DYRK1A: variants seen among roughly 807,000 people sequenced by gnomAD.
DYRK1A encodes the protein dual specificity tyrosine phosphorylation regulated kinase 1A.
Under a neutral mutation model 79.7 loss-of-function variants are expected in DYRK1A, and 9 were observed. The ratio of observed to expected loss-of-function variants is 0.11; its 90% CI spans 0.07 to 0.20. DYRK1A has a LOEUF of 0.20. DYRK1A is among the 10% of genes least tolerant of loss of function. The pLI, the probability that DYRK1A is intolerant of heterozygous loss-of-function variation, is 1.00. For missense variants in DYRK1A, 622 were observed against 956.0 expected, an observed-to-expected ratio of 0.65 and a Z score of 4.61; for synonymous variants, 349 against 329.7, an observed-to-expected ratio of 1.06 and a Z score of -0.63.
chr21:37,411,450 C>T (rs2050244156), intron 1 of DYRK1A, among the ~76,000 whole-genome samples: 1 of 150,542 alleles, frequency 6.6e-6, no homozygotes. Context: ...GAAAACCCCA[C>T]CTATAATGCA....
intron 1 of DYRK1A, among the ~76,000 whole-genome samples, chr21:37,379,143 T>A (rs2049607486): frequency 6.6e-6 from 1 of 151,988 alleles, no homozygotes. Context: ...AGTCTTAATA[T>A]TATAAAGATA....
rs2052876378 is a variant in DYRK1A at position 37,486,588 on chromosome 21, A to G, written c.611A>G (p.His204Arg). ...EVRLLELMNKHDTEMKYYIVH... is the reference protein window; with the variant it reads ...EVRLLELMNKRDTEMKYYIVH... ...CGACTTCTTGAGCTCATGAACAAAC[A>G]TGACACTGAAATGAAATACTACATA... is the stretch of plus-strand genomic sequence containing the variant. The change falls in exon 6 of 12, where the codon CAT becomes CGT. Residue 204 changes from histidine (H) to arginine (R), a missense_variant. Physicochemically the swap from His to Arg is conservative, Grantham distance 29 (BLOSUM62 0). Transcript: ENST00000647188. 6.3e-7 allele frequency: 1 copy of G among 1,592,782 alleles called. No individual in the cohort carries two copies. Among genetic ancestry groups the G allele is most frequent in the Non-Finnish European group, 8.5e-7 (1 of 1,170,998 alleles).
At chr21:37,376,669 G>C (rs568295602) in intron 1 of DYRK1A, among the ~76,000 whole-genome samples, 1 of 152,024 alleles carries the variant, frequency 6.6e-6, no homozygotes, top group Admixed American at 6.5e-5. Context: ...AGGACCCTGC[G>C]CTTGATTAAC....
intron 2 of DYRK1A, among the ~76,000 whole-genome samples, chr21:37,421,406 A>G (rs2050471928): frequency 6.6e-6 from 1 of 152,190 alleles, no homozygotes; most frequent in African/African-American, 2.4e-5. Context: ...TTTTGTATGA[A>G]GAAATGTGCT....
chr21:37,491,517 A>AT (rs1466260966), intron 7 of DYRK1A, among the ~76,000 whole-genome samples: 7 of 152,212 alleles, frequency 4.6e-5, no homozygotes, highest in Non-Finnish European at 7.4e-5. Context: ...GGTTTTAACT[A>AT]TAACAGATTA....
chr21:37,431,745 A>G (rs1025438446), intron 2 of DYRK1A, among the ~76,000 whole-genome samples: 2 of 152,218 alleles, frequency 1.3e-5, no homozygotes, highest in African/African-American at 4.8e-5. Flanking sequence ...TTGTTTTCAT[A>G]TGACGTAGAA....
chr21:37,500,964 A>G (rs2053426037), intron 9 of DYRK1A, among the ~76,000 whole-genome samples: 1 of 143,434 alleles, frequency 7.0e-6, no homozygotes, highest in Non-Finnish European at 1.5e-5. Context: ...TTCTTGATCT[A>G]GTTTCTATTC....
rs929053779 is a variant in DYRK1A, at chr21:37,524,282, A to C, written c.*11751A>C. The C allele has an allele frequency of 1.3e-5, 2 of 151,390 alleles. No individual in the cohort carries two copies. The highest frequency in any genetic ancestry group is 2.1e-4 in the South Asian group (1 of 4,792). 9.4% of individuals were successfully genotyped at this position (151,390 alleles called of 1,614,324 possible). A position where few individuals can be genotyped will look rare whatever the true frequency, so the allele number is the denominator to read the frequency against. On this transcript the variant is annotated 3_prime_UTR_variant, in exon 12 of 12. Transcript: ENST00000647188. ...CCATCTCCACAAAAAGTAAAAAAAAACCAAAATACATGTTGTTACTTCCCA... is the reference window on the plus strand; with the variant it reads ...CCATCTCCACAAAAAGTAAAAAAAACCCAAAATACATGTTGTTACTTCCCA...
chr21:37,458,579 CAT>C (rs1279183192), intron 2 of DYRK1A, among the ~76,000 whole-genome samples: 1 of 151,986 alleles, frequency 6.6e-6, no homozygotes, highest in Non-Finnish European at 1.5e-5. Flanking sequence ...CCTCTTATTT[CAT>C]GTGTAAGAAG....
At chr21:37,448,689 A>AT (rs963891798) in intron 2 of DYRK1A, among the ~76,000 whole-genome samples, 5 of 152,018 alleles carry the variant, frequency 3.3e-5, no homozygotes, top group Non-Finnish European at 5.9e-5. Flanking sequence ...AGTATTTAAA[A>AT]TTTTTTTTGT....
At chr21:37,495,945 G>T in intron 8 of DYRK1A, 173 bp from the exon 9 acceptor site, 1 of 549,926 alleles carries the variant, frequency 1.8e-6, no homozygotes. Flanking sequence ...TGGGGTATTT[G>T]ACTCAAGGAA....
rs1409214449 is a variant in DYRK1A at position 37,521,074 on chromosome 21, G to A, written c.*8543G>A. On this transcript the variant is annotated 3_prime_UTR_variant, in exon 12 of 12. Coordinates refer to ENST00000647188, the MANE Select transcript of DYRK1A (RefSeq NM_001347721.2). Reference sequence around the variant, plus strand: ...TAATGACAGCTACTTAACATCTTCTGTAGTCTTGAAGAATTCAGATGAGGA... The same window carrying A: ...TAATGACAGCTACTTAACATCTTCTATAGTCTTGAAGAATTCAGATGAGGA... 3 of 152,206 alleles carry A rather than the reference G, an allele frequency of 2.0e-5. No individual in the cohort carries two copies. Among genetic ancestry groups the A allele is most frequent in the Non-Finnish European group, 4.4e-5 (3 of 68,044 alleles). 9.4% of individuals were successfully genotyped at this position (152,206 alleles called of 1,614,324 possible). A position where few individuals can be genotyped will look rare whatever the true frequency, so the allele number is the denominator to read the frequency against.
intron 2 of DYRK1A, among the ~76,000 whole-genome samples, chr21:37,449,392 C>T (rs894814560): frequency 2.6e-5 from 4 of 152,288 alleles, no homozygotes; most frequent in African/African-American, 7.2e-5. Context: ...GAACTATGGG[C>T]ATTTTTCCTA....
In DYRK1A at chr21:37,517,197, T is replaced by TTAA. The variant is rs1601346828; in HGVS notation, c.*4670_*4672dup. The TTAA allele has an allele frequency of 6.6e-6, 1 of 152,246 alleles. No individual in the cohort carries two copies. Among genetic ancestry groups the TTAA allele is most frequent in the East Asian group, 1.9e-4 (1 of 5,196 alleles). 9.4% of individuals were successfully genotyped at this position (152,246 alleles called of 1,614,324 possible). Reference sequence around the variant, plus strand: ...ACTAGAGCCTGAGTCATGTTGACTATTAATAAAGTGCATTAAGTTTGGGTC... The same window carrying TTAA: ...ACTAGAGCCTGAGTCATGTTGACTATTAATAATAAAGTGCATTAAGTTTGGGTC... On this transcript the variant is annotated 3_prime_UTR_variant, in exon 12 of 12. Transcript: ENST00000647188.
At position 37,518,380 on chromosome 21, in the gene DYRK1A, A is replaced by G. The variant is rs1359668550; in HGVS notation, c.*5849A>G. On this transcript the variant is annotated 3_prime_UTR_variant, in exon 12 of 12. Coordinates refer to ENST00000647188, the MANE Select transcript of DYRK1A (RefSeq NM_001347721.2). ...AACTCTAGTGATCGCAAACTGCTCA[A>G]TCGGTACTCATCAATTTAAAATGAC... 1.3e-5 allele frequency: 2 copies of G among 152,170 alleles called. No homozygotes were observed. The highest frequency in any genetic ancestry group is 6.5e-5 in the Admixed American group (1 of 15,280). The allele number at this position is 152,170 out of a possible 1,614,324, so 9.4% of individuals were successfully genotyped here.
At position 37,499,988 on chromosome 21, in the gene DYRK1A, C is replaced by T. The variant is rs117136333; in HGVS notation, c.1212+3730C>T. 5.1e-3 allele frequency among the ~76,000 whole-genome samples: 770 copies of T among 152,230 alleles called. 3 individuals carry two copies. The highest frequency in any genetic ancestry group is 7.8e-3 in the Non-Finnish European group (532 of 68,008). On this transcript the variant is annotated intron_variant, in intron 9 of 11. Transcript: ENST00000647188. ...GCCAACTTTTCACATATGTGGGTTC[C>T]GCATGGCCTCCTTGTGGAGCTTGAG...
intron 1 of DYRK1A, among the ~76,000 whole-genome samples, chr21:37,393,787 G>A (rs2049912152): frequency 6.6e-6 from 1 of 152,216 alleles, no homozygotes; most frequent in Non-Finnish European, 1.5e-5. Context: ...GCTGGCACTG[G>A]GCAGTCCAAG....
chr21:37,391,443 T>G (rs1279835413), intron 1 of DYRK1A, among the ~76,000 whole-genome samples: 2 of 152,258 alleles, frequency 1.3e-5, no homozygotes, highest in Non-Finnish European at 2.9e-5. Context: ...GTTTTATTAT[T>G]TTTTAACTAC....
At chr21:37,373,742 G>C (rs2049480612) in intron 1 of DYRK1A, among the ~76,000 whole-genome samples, 1 of 152,298 alleles carries the variant, frequency 6.6e-6, no homozygotes, top group South Asian at 2.1e-4. Context: ...TCATAACTTA[G>C]TCATGTGGCC....
Sources: allele counts gnomAD v4.1 joint callset (sites outside exome capture counted in the v4.1 genomes callset), GRCh38; gene constraint gnomAD v4.1.1; transcripts MANE v1.5; gene names NCBI Gene and HGNC (gene_info 2026-07-23, HGNC 2026-07-21).